Variants in BCL11A observed in about 807,000 individuals in gnomAD.
The protein encoded by BCL11A is B cell CLL/lymphoma 11A.
A neutral mutation model predicts 55.9 loss-of-function variants in BCL11A; 2 were observed. That is an observed-to-expected ratio of 0.04 (90% confidence interval 0.01 to 0.11). The LOEUF is 0.11. BCL11A is among the 10% of genes least tolerant of loss of function. The probability of loss-of-function intolerance (pLI) is 1.00; values close to 1 mark genes in which losing one functional copy is unlikely to be tolerated. For synonymous variants in BCL11A, 465 were observed against 473.4 expected, an observed-to-expected ratio of 0.98 and a Z score of 0.23; for missense variants, 817 against 1,137.1, an observed-to-expected ratio of 0.72 and a Z score of 4.05.
chr2:60,507,836 C>T (rs1679733045), intron 2 of BCL11A, among the ~76,000 whole-genome samples: 2 of 152,138 alleles, frequency 1.3e-5, no homozygotes, highest in African/African-American at 4.8e-5. Flanking sequence ...GACACGTCTT[C>T]ACAGTAATCC....
chr2:60,518,584 G>A (rs1404103430), intron 2 of BCL11A, among the ~76,000 whole-genome samples: 1 of 152,166 alleles, frequency 6.6e-6, no homozygotes, highest in East Asian at 1.9e-4. Context: ...GGGGGGACAA[G>A]GCAGGAAGCA....
intron 2 of BCL11A, among the ~76,000 whole-genome samples, chr2:60,494,137 C>A (rs1240925305): frequency 2.6e-5 from 4 of 152,202 alleles, no homozygotes; most frequent in Non-Finnish European, 5.9e-5. Flanking sequence ...GTGAGGCACA[C>A]CTACATTACT....
chr2:60,479,110 C>A (rs933761096), intron 2 of BCL11A, among the ~76,000 whole-genome samples: 2 of 152,230 alleles, frequency 1.3e-5, no homozygotes, highest in Non-Finnish European at 2.9e-5. Flanking sequence ...CAGCCTCAGT[C>A]CAGCCATGGG....
At chr2:60,520,082 A>G (rs997910829) in intron 2 of BCL11A, among the ~76,000 whole-genome samples, 3 of 152,234 alleles carry the variant, frequency 2.0e-5, no homozygotes, top group African/African-American at 7.2e-5. Context: ...ATGATATAGT[A>G]TTATGGCTTC....
At chr2:60,487,480 G>T (rs1678348145) in intron 2 of BCL11A, among the ~76,000 whole-genome samples, 1 of 152,038 alleles carries the variant, frequency 6.6e-6, no homozygotes, top group Non-Finnish European at 1.5e-5. Context: ...CCTTCTGGAG[G>T]GCTATAAATA....
chr2:60,541,485 T>C (rs951491116), intron 2 of BCL11A, among the ~76,000 whole-genome samples: 1 of 152,228 alleles, frequency 6.6e-6, no homozygotes, highest in Non-Finnish European at 1.5e-5. Flanking sequence ...TATTTACAAT[T>C]TGTCTTAGAA....
intron 2 of BCL11A, among the ~76,000 whole-genome samples, chr2:60,523,069 T>G (rs1669061922): frequency 6.6e-6 from 1 of 152,220 alleles, no homozygotes; most frequent in South Asian, 2.1e-4. Flanking sequence ...CTTGTTGGAC[T>G]TAATATCTTT....
At position 60,459,891 on chromosome 2, in the gene BCL11A, C is replaced by T. The variant is rs1676138135; in HGVS notation, c.*513G>A. ...TTCCTCCTCACGTTATAAAATAAAA[C>T]TGTACATGATATGTATTACAGAATG... On this transcript the variant is annotated 3_prime_UTR_variant, in exon 4 of 4. Coordinates refer to ENST00000642384, the MANE Select transcript of BCL11A (RefSeq NM_022893.4). 1 of 1,051,504 alleles carries T rather than the reference C, an allele frequency of 9.5e-7. No homozygotes were observed. 65.1% of individuals were successfully genotyped at this position (1,051,504 alleles called of 1,614,324 possible).
intron 2 of BCL11A, among the ~76,000 whole-genome samples, chr2:60,477,958 C>G (rs953344866): frequency 7.2e-6 from 1 of 138,502 alleles, no homozygotes; most frequent in African/African-American, 2.7e-5. Context: ...TTATGGAAAG[C>G]TTTTTTTTTT....
At chr2:60,522,505 G>C (rs1364765451) in intron 2 of BCL11A, 1 of 149,584 alleles carries the variant, frequency 6.7e-6, no homozygotes, top group Non-Finnish European at 1.5e-5. Context: ...GACTGAAGCT[G>C]CCAAGAAAAG....
intron 3 of BCL11A, among the ~76,000 whole-genome samples, chr2:60,465,827 T>G (rs1162724713): frequency 6.6e-6 from 1 of 152,192 alleles, no homozygotes; most frequent in Non-Finnish European, 1.5e-5. Context: ...GGGTGATTAA[T>G]TACTGAGGGT....
intron 2 of BCL11A, among the ~76,000 whole-genome samples, chr2:60,512,834 G>C (rs1011381279): frequency 6.6e-6 from 1 of 152,186 alleles, no homozygotes; most frequent in Non-Finnish European, 1.5e-5. Context: ...AGGAGAACAA[G>C]CAGGTTTTAC....
downstream of BCL11A, chr2:60,452,789 C>A (rs1675781238): frequency 1.0e-5 from 7 of 699,658 alleles, no homozygotes; most frequent in South Asian, 1.3e-4. Flanking sequence ...ACAGGTCGAG[C>A]CACTGGCATC....
At chr2:60,518,786 A>G (rs1668847638) in intron 2 of BCL11A, among the ~76,000 whole-genome samples, 1 of 152,070 alleles carries the variant, frequency 6.6e-6, no homozygotes, top group African/African-American at 2.4e-5. Context: ...GATTTTAAGG[A>G]CTCATCAATT....
intron 3 of BCL11A, among the ~76,000 whole-genome samples, chr2:60,466,259 T>C (rs567230803): frequency 4.1e-4 from 63 of 152,250 alleles, no homozygotes; most frequent in African/African-American, 1.5e-3. Context: ...TATGTTTCCC[T>C]GGCAACAGCC....
At chr2:60,480,704 G>A (rs1363209136) in intron 2 of BCL11A, among the ~76,000 whole-genome samples, 1 of 152,188 alleles carries the variant, frequency 6.6e-6, no homozygotes, top group Non-Finnish European at 1.5e-5. Flanking sequence ...CAAATGCTGT[G>A]TAATTACACA....
rs1354153796 is a variant in BCL11A at position 60,459,135 on chromosome 2, T to C, written c.*1269A>G. 2.0e-6 allele frequency: 2 copies of C among 1,023,556 alleles called. No individual in the cohort carries two copies. The allele number at this position is 1,023,556 out of a possible 1,614,324, so 63.4% of individuals were successfully genotyped here. ...TACCACGTTGTGCTAATAAATCATA[T>C]TATTTTCTTCTGTTCCCCTCTGTCA... On this transcript the variant is annotated 3_prime_UTR_variant, in exon 4 of 4. Coordinates refer to ENST00000642384, the MANE Select transcript of BCL11A (RefSeq NM_022893.4).
intron 1 of BCL11A, among the ~76,000 whole-genome samples, chr2:60,550,572 G>A (rs969534660): frequency 6.6e-6 from 1 of 151,718 alleles, no homozygotes; most frequent in African/African-American, 2.4e-5. Flanking sequence ...GGGCGGGGGG[G>A]TGGTACTGAG....
chr2:60,468,758 C>T lies in BCL11A; in HGVS notation c.461G>A (p.Ser154Asn). ...HGALIPTPGMSAEYAPQGICK... is the reference protein window; with the variant it reads ...HGALIPTPGMNAEYAPQGICK... ...AATACCCTGCGGGGCATATTCTGCA[C>T]TCATCCCAGGCGTGGGGATTAGAGC... Residue 154 changes from serine to asparagine, a missense_variant, in exon 3 of 4, where the codon AGT becomes AAT. By Grantham distance (46) the Ser-to-Asn change is conservative. Around this residue, in one of 4 missense-constraint regions of BCL11A, gnomAD observed 363 missense variants for 486.6 expected, o/e 0.75. Coordinates refer to ENST00000642384, the MANE Select transcript of BCL11A (RefSeq NM_022893.4). The T allele has an allele frequency of 6.2e-7, 1 of 1,612,740 alleles. No individual in the cohort carries two copies. The highest frequency in any genetic ancestry group is 1.3e-5 in the African/African-American group (1 of 74,972).
Sources: gnomAD v4.1 joint callset for allele counts (sites outside exome capture counted in the v4.1 genomes callset) on GRCh38, gnomAD v4.1.1 for gene constraint, gnomAD v4.1.1 regional missense constraint, MANE v1.5 for transcripts, NCBI Gene and HGNC (gene_info 2026-07-23, HGNC 2026-07-21) for gene names.